The following NAV2 variants were observed in gnomAD, a reference collection of about 807,000 sequenced individuals.
NAV2 encodes the protein helicase, APC down-regulated 1.
NAV2 carries 54 observed loss-of-function variants against 223.2 expected under a neutral mutation model. The observed-to-expected ratio is 0.24, with a 90% CI of 0.19 to 0.30. The LOEUF (loss-of-function observed/expected upper bound fraction) is 0.30, where lower values mean the gene tolerates loss of function less well. Among genes scored for constraint, NAV2 ranks in the 10% least tolerant of loss-of-function variants. NAV2 has a pLI of 1.00. For synonymous variants in NAV2, 1,279 were observed against 1,239.3 expected, an observed-to-expected ratio of 1.03 and a Z score of -0.67; for missense variants, 2,806 against 3,147.5, an observed-to-expected ratio of 0.89 and a Z score of 2.60.
intron 1 of NAV2, among the ~76,000 whole-genome samples, chr11:19,677,732 C>T (rs538276336): frequency 2.0e-5 from 3 of 152,360 alleles, no homozygotes; most frequent in East Asian, 3.9e-4. Flanking sequence ...ACTATGGCCC[C>T]CAGGCCAAAT....
At chr11:19,869,334 G>C (rs966689900) in intron 4 of NAV2, among the ~76,000 whole-genome samples, 5 of 152,204 alleles carry the variant, frequency 3.3e-5, no homozygotes, top group African/African-American at 9.7e-5. Context: ...CTATGGGAGA[G>C]AGCATGCTTC....
chr11:19,972,006 A>T (rs1214916956), intron 10 of NAV2, among the ~76,000 whole-genome samples: 1 of 152,118 alleles, frequency 6.6e-6, no homozygotes. Context: ...CCTGGCCCAA[A>T]CTTTTTTCTT....
At chr11:19,575,295 G>T (rs1049923585) in intron 1 of NAV2, 2 of 154,462 alleles carry the variant, frequency 1.3e-5, no homozygotes, top group Admixed American at 6.5e-5. Flanking sequence ...TTGCCCTCCT[G>T]ATGGGCAGGT....
chr11:20,107,480 G>A (rs1348582378), intron 35 of NAV2, 184 bp from the exon 36 acceptor site: 3 of 611,072 alleles, frequency 4.9e-6, no homozygotes, highest in African/African-American at 1.8e-5. Context: ...TGGAATCAGG[G>A]ATCAGAGTGT....
At chr11:19,544,930 T>A (rs1212343172) in intron 1 of NAV2, among the ~76,000 whole-genome samples, 1 of 152,230 alleles carries the variant, frequency 6.6e-6, no homozygotes, top group Non-Finnish European at 1.5e-5. Context: ...CTAGGGTGTC[T>A]GTGTCTTGGC....
In NAV2 at chr11:19,448,226, G is replaced by A. The variant is rs143910000; in HGVS notation, c.75+97199G>A. ...CGCAAGGTGGGGGCCAGCCCTGGGA[G>A]GTGGCGGTCCCTGCCTGAGGAGGTG... On this transcript the variant is annotated intron_variant, in intron 1 of 37. Coordinates refer to the NAV2 transcript ENST00000360655. Among the ~76,000 whole-genome samples, 114 of 152,180 alleles carry A rather than the reference G, an allele frequency of 7.5e-4. 1 individual carries two copies. The highest frequency in any genetic ancestry group is 1.3e-3 in the Non-Finnish European group (90 of 67,988).
intron 1 of NAV2, among the ~76,000 whole-genome samples, chr11:19,763,057 A>G (rs2054899439): frequency 6.6e-6 from 1 of 152,200 alleles, no homozygotes; most frequent in African/African-American, 2.4e-5. Context: ...CATAAGCTCC[A>G]GGAGGGCAGG....
chr11:19,800,558 C>G (rs189265402), intron 1 of NAV2, among the ~76,000 whole-genome samples: 2 of 152,250 alleles, frequency 1.3e-5, no homozygotes, highest in African/African-American at 2.4e-5. Context: ...TCTGAAAATC[C>G]AGGTTCTGAA....
intron 12 of NAV2, among the ~76,000 whole-genome samples, chr11:20,039,826 G>C (rs865888599): frequency 1.6e-4 from 25 of 152,198 alleles, no homozygotes; most frequent in African/African-American, 6.0e-4. Context: ...TTTATTTTTT[G>C]CTACTCAGGG....
At chr11:19,380,191 T>C (rs1004170023) in intron 1 of NAV2, among the ~76,000 whole-genome samples, 17 of 152,206 alleles carry the variant, frequency 1.1e-4, no homozygotes, top group African/African-American at 4.1e-4. Context: ...TTCTCTCTAC[T>C]CTGGCAACAG....
intron 1 of NAV2, among the ~76,000 whole-genome samples, chr11:19,467,020 G>GAGAGAGAGAGAGAGAGAGAGAGATAGAC (rs1852387184): frequency 1.1e-5 from 1 of 92,546 alleles, no homozygotes; most frequent in Non-Finnish European, 2.4e-5. Flanking sequence ...CACACACACA[G>GAGAGAGAGAGAGAGAGAGAGAGATAGAC]AGAGAGAGAG....
chr11:20,092,414 G>T, intron 28 of NAV2, 46 bp downstream of exon 28: 2 of 1,575,212 alleles, frequency 1.3e-6, no homozygotes, highest in Non-Finnish European at 1.7e-6. Flanking sequence ...CCTACAGCTG[G>T]CACCCTGATC....
chr11:20,037,166 C>T (rs1051426812), intron 12 of NAV2, among the ~76,000 whole-genome samples: 3 of 152,114 alleles, frequency 2.0e-5, no homozygotes, highest in Non-Finnish European at 2.9e-5. Flanking sequence ...CTCCCCACCC[C>T]CCATCTTTGG....
intron 11 of NAV2, among the ~76,000 whole-genome samples, chr11:20,016,507 G>A (rs1158018573): frequency 6.6e-6 from 1 of 152,202 alleles, no homozygotes; most frequent in African/African-American, 2.4e-5. Flanking sequence ...CCAACAAAAG[G>A]TAACAGAAAC....
intron 1 of NAV2, among the ~76,000 whole-genome samples, chr11:19,380,096 T>A (rs1675404557): frequency 6.6e-6 from 1 of 152,204 alleles, no homozygotes; most frequent in South Asian, 2.1e-4. Context: ...ATCTTCTTCA[T>A]CCCCTTATTG....
chr11:19,917,698 C>T (rs763023158), intron 6 of NAV2, among the ~76,000 whole-genome samples: 6 of 152,190 alleles, frequency 3.9e-5, no homozygotes, highest in African/African-American at 7.2e-5. Context: ...CTGCAACCTC[C>T]GCCTCCTGGG....
At chr11:19,777,233 G>A (rs1241871499) in intron 1 of NAV2, among the ~76,000 whole-genome samples, 3 of 151,504 alleles carry the variant, frequency 2.0e-5, no homozygotes, top group Non-Finnish European at 4.4e-5. Context: ...GGAGGCACGA[G>A]AGCTGGGCAG....
chr11:19,585,690 A>T (rs2045872744), intron 1 of NAV2, among the ~76,000 whole-genome samples: 1 of 152,212 alleles, frequency 6.6e-6, no homozygotes, highest in East Asian at 1.9e-4. Context: ...TTTCTTTAAG[A>T]ATGTTGAATA....
At chr11:19,953,456 C>T (rs1330039660) in intron 10 of NAV2, among the ~76,000 whole-genome samples, 1 of 144,822 alleles carries the variant, frequency 6.9e-6, no homozygotes, top group Middle Eastern at 3.9e-3. Context: ...AAAGCCCTGC[C>T]TCTGGTTCCT....
Sources: allele counts gnomAD v4.1 joint callset (sites outside exome capture counted in the v4.1 genomes callset), GRCh38; gene constraint gnomAD v4.1.1; transcripts MANE v1.5; gene names NCBI Gene and HGNC (gene_info 2026-07-23, HGNC 2026-07-21).